ASAP1: variants seen among roughly 807,000 people sequenced by gnomAD.
ASAP1 encodes the protein arf-GAP with SH3 domain, ANK repeat and PH domain-containing protein 1.
A neutral mutation model predicts 145.2 loss-of-function variants in ASAP1; 43 were observed. That is an observed-to-expected ratio of 0.30 (90% CI 0.23 to 0.38). ASAP1 has a LOEUF of 0.38. Ranked by LOEUF, ASAP1 falls within the 10% of genes least tolerant of loss-of-function variation. The pLI, the probability that ASAP1 is intolerant of heterozygous loss-of-function variation, is 1.00. For missense variants in ASAP1, 1,018 were observed against 1,355.3 expected, an observed-to-expected ratio of 0.75 and a Z score of 3.91; for synonymous variants, 546 against 515.5, an observed-to-expected ratio of 1.06 and a Z score of -0.80.
At chr8:130,433,440 C>T (rs555771845) in intron 1 of ASAP1, among the ~76,000 whole-genome samples, 42 of 152,292 alleles carry the variant, frequency 2.8e-4, no homozygotes, top group Middle Eastern at 3.4e-3. Context: ...CTCTGACTAC[C>T]CCACTGGGAG....
chr8:130,141,803 G>T (rs781538524), intron 13 of ASAP1, among the ~76,000 whole-genome samples: 25 of 152,018 alleles, frequency 1.6e-4, no homozygotes, highest in Non-Finnish European at 3.1e-4. Flanking sequence ...CTGCAGCCTT[G>T]AACTCCTGGG....
At chr8:130,159,807 T>C (rs2097665502) in intron 12 of ASAP1, 57 bp downstream of exon 12, 1 of 1,388,974 alleles carries the variant, frequency 7.2e-7, no homozygotes, top group Non-Finnish European at 1.0e-6. Flanking sequence ...TATGAGAGAC[T>C]GGAAACATTT....
intron 1 of ASAP1, among the ~76,000 whole-genome samples, chr8:130,406,544 C>T (rs1460822293): frequency 1.3e-5 from 2 of 151,048 alleles, no homozygotes; most frequent in Admixed American, 6.6e-5. Context: ...TGCAGTGGCG[C>T]GATCTCTGCT....
chr8:130,067,205 AG>A (rs2097432587), intron 27 of ASAP1, among the ~76,000 whole-genome samples: 1 of 152,162 alleles, frequency 6.6e-6, no homozygotes, highest in Non-Finnish European at 1.5e-5. Flanking sequence ...TGTGTAGTAA[AG>A]GCCTGAGTAC....
At chr8:130,072,789 T>TGG (rs1320933833) in intron 27 of ASAP1, among the ~76,000 whole-genome samples, 5 of 41,068 alleles carry the variant, frequency 1.2e-4, no homozygotes, top group East Asian at 7.5e-4. Flanking sequence ...GACTTGCAAT[T>TGG]GATATGTGTG....
At chr8:130,345,392 G>T (rs1422100176) in intron 3 of ASAP1, among the ~76,000 whole-genome samples, 1 of 152,210 alleles carries the variant, frequency 6.6e-6, no homozygotes, top group African/African-American at 2.4e-5. Context: ...CAACTCGAAA[G>T]AAACAAGTCA....
At chr8:130,436,509 C>T (rs1198689852) in intron 1 of ASAP1, among the ~76,000 whole-genome samples, 2 of 152,168 alleles carry the variant, frequency 1.3e-5, no homozygotes, top group East Asian at 3.8e-4. Flanking sequence ...GAGGTTTCAC[C>T]ATGTTGCCGA....
intron 28 of ASAP1, 86 bp downstream of exon 28, chr8:130,060,493 C>G: frequency 1.3e-6 from 2 of 1,494,796 alleles, no homozygotes; most frequent in East Asian, 4.6e-5. Context: ...CTCACTTTTT[C>G]TTGTGTAAGT....
chr8:130,163,617 T>C (rs2097674074), intron 11 of ASAP1, among the ~76,000 whole-genome samples: 1 of 152,216 alleles, frequency 6.6e-6, no homozygotes, highest in Admixed American at 6.5e-5. Context: ...GCCATTCAGC[T>C]TGCTAAGCAG....
intron 24 of ASAP1, among the ~76,000 whole-genome samples, chr8:130,110,201 GT>G (rs1360277504): frequency 6.6e-6 from 1 of 152,206 alleles, no homozygotes; most frequent in African/African-American, 2.4e-5. Context: ...ACAGAAGGGG[GT>G]GGAGGGAAAT....
intron 3 of ASAP1, among the ~76,000 whole-genome samples, chr8:130,323,725 TTAGGCATACTA>T (rs1259113735): frequency 6.6e-6 from 1 of 152,154 alleles, no homozygotes; most frequent in Admixed American, 6.5e-5. Context: ...TATATTAAAA[TTAGGCATACTA>T]TGTATGTAAG....
At chr8:130,424,891 G>A (rs1203556515) in intron 1 of ASAP1, among the ~76,000 whole-genome samples, 2 of 152,106 alleles carry the variant, frequency 1.3e-5, no homozygotes, top group Non-Finnish European at 2.9e-5. Flanking sequence ...TACTCGGGAG[G>A]CTGAGGCAGG....
At chr8:130,242,537 T>C (rs1818602083) in intron 3 of ASAP1, among the ~76,000 whole-genome samples, 1 of 152,038 alleles carries the variant, frequency 6.6e-6, no homozygotes. Context: ...GCTACCTTGA[T>C]GGGAGGAGTG....
chr8:130,157,903 T>C (rs2097661119), intron 12 of ASAP1, among the ~76,000 whole-genome samples: 1 of 152,172 alleles, frequency 6.6e-6, no homozygotes. Context: ...TGATCTACCA[T>C]ATATTGAGTA....
chr8:130,420,066 C>T (rs1229334216), intron 1 of ASAP1, among the ~76,000 whole-genome samples: 2 of 151,956 alleles, frequency 1.3e-5, no homozygotes, highest in African/African-American at 4.8e-5. Context: ...GCTGAGATTA[C>T]AGGTGTGAGC....
chr8:130,343,554 G>A (rs1223504099), intron 3 of ASAP1, among the ~76,000 whole-genome samples: 1 of 152,196 alleles, frequency 6.6e-6, no homozygotes, highest in Non-Finnish European at 1.5e-5. Context: ...GCTGGAACAA[G>A]GCAAAGACCA....
intron 16 of ASAP1, among the ~76,000 whole-genome samples, chr8:130,126,581 G>A (rs748034098): frequency 2.0e-5 from 3 of 152,096 alleles, no homozygotes; most frequent in Non-Finnish European, 4.4e-5. Flanking sequence ...GTGACCTAAG[G>A]CCTTTTTTCT....
In ASAP1 at chr8:130,052,553, T is replaced by C. The variant is rs1017352900; in HGVS notation, c.*2178A>G. 2.6e-5 allele frequency: 4 copies of C among 152,438 alleles called. No individual in the cohort carries two copies. Among genetic ancestry groups the C allele is most frequent in the African/African-American group, 9.7e-5 (4 of 41,360 alleles). The allele number at this position is 152,438 out of a possible 1,614,324, so 9.4% of individuals were successfully genotyped here. On this transcript the variant is annotated 3_prime_UTR_variant, in exon 30 of 30. Coordinates refer to ENST00000518721, the MANE Select transcript of ASAP1 (RefSeq NM_018482.4). ...AAGGTATTTCTACTGAGTTTTCCTA[T>C]GTCCCACAGTAAGCTGGGTTAGAGA...
intron 9 of ASAP1, among the ~76,000 whole-genome samples, chr8:130,175,646 CA>C (rs1472291891): frequency 6.6e-6 from 1 of 152,094 alleles, no homozygotes. Context: ...CTTCCATGAA[CA>C]AAAGTTTTTA....
Sources: allele counts gnomAD v4.1 joint callset (sites outside exome capture counted in the v4.1 genomes callset), GRCh38; gene constraint gnomAD v4.1.1; transcripts MANE v1.5; gene names NCBI Gene and HGNC (gene_info 2026-07-23, HGNC 2026-07-21).